The following SPATS2L variants were observed in gnomAD, a reference collection of about 807,000 sequenced individuals.
SPATS2L encodes the protein SPATS2-like protein.
In SPATS2L, 30 loss-of-function variants were observed where a neutral mutation model predicts 59.6. The ratio of observed to expected loss-of-function variants is 0.50; its 90% CI spans 0.38 to 0.68. The LOEUF (loss-of-function observed/expected upper bound fraction) is 0.68. Ranked by LOEUF, SPATS2L falls within the 30% of genes least tolerant of loss-of-function variation. The probability of loss-of-function intolerance (pLI) is 0.00; values close to 1 mark genes in which losing one functional copy is unlikely to be tolerated. For missense variants in SPATS2L, 615 were observed against 700.0 expected (o/e 0.88, Z 1.37); for synonymous variants, 252 against 263.5 (o/e 0.96, Z 0.42).
intron 3 of SPATS2L, among the ~76,000 whole-genome samples, chr2:200,395,506 T>A (rs891783922): frequency 3.3e-5 from 5 of 152,134 alleles, no homozygotes; most frequent in Non-Finnish European, 7.4e-5. Context: ...AGATTATTAG[T>A]TGAGCACCCT....
At chr2:200,348,885 G>GAAAAAA (rs796498029) in intron 2 of SPATS2L, among the ~76,000 whole-genome samples, 2 of 130,846 alleles carry the variant, frequency 1.5e-5, no homozygotes. Flanking sequence ...GTTTCATTAA[G>GAAAAAA]AAAAAAAAAA....
chr2:200,310,264 T>G (rs1431761375), intron 1 of SPATS2L, among the ~76,000 whole-genome samples: 2 of 152,248 alleles, frequency 1.3e-5, no homozygotes, highest in Admixed American at 1.3e-4. Context: ...TTGATCCGTT[T>G]AGCATTCTCT....
intron 2 of SPATS2L, among the ~76,000 whole-genome samples, chr2:200,380,566 T>G (rs1040743946): frequency 9.9e-5 from 15 of 152,256 alleles, no homozygotes; most frequent in African/African-American, 3.6e-4. Flanking sequence ...CAAATAAGTA[T>G]TGACTGTTAA....
chr2:200,446,705 A>G (rs1001876568), intron 8 of SPATS2L, among the ~76,000 whole-genome samples: 4 of 152,122 alleles, frequency 2.6e-5, no homozygotes, highest in African/African-American at 9.7e-5. Flanking sequence ...GGAAGGATGG[A>G]GACTCTTCCC....
At chr2:200,379,039 T>C (rs530141493) in intron 2 of SPATS2L, among the ~76,000 whole-genome samples, 1 of 152,346 alleles carries the variant, frequency 6.6e-6, no homozygotes, top group African/African-American at 2.4e-5. Flanking sequence ...AGTGTTGCTG[T>C]GCCCAAAACC....
intron 2 of SPATS2L, among the ~76,000 whole-genome samples, chr2:200,358,908 G>T (rs2081006514): frequency 6.6e-6 from 1 of 151,912 alleles, no homozygotes; most frequent in Non-Finnish European, 1.5e-5. Flanking sequence ...GATCCCTTGA[G>T]CCCAGGAGTT....
chr2:200,450,787 C>G (rs968232017), intron 8 of SPATS2L, among the ~76,000 whole-genome samples: 2 of 152,072 alleles, frequency 1.3e-5, no homozygotes, highest in South Asian at 2.1e-4. Context: ...CTAAAAAAGC[C>G]CATGCACTAG....
chr2:200,474,700 G>C (rs954419838), intron 12 of SPATS2L, among the ~76,000 whole-genome samples: 1 of 152,172 alleles, frequency 6.6e-6, no homozygotes, highest in Non-Finnish European at 1.5e-5. Flanking sequence ...AAGGAGGCCA[G>C]ATTAAGTACT....
chr2:200,316,385 A>G (rs558631048), intron 1 of SPATS2L, among the ~76,000 whole-genome samples: 24 of 152,344 alleles, frequency 1.6e-4, no homozygotes, highest in African/African-American at 5.8e-4. Flanking sequence ...TTCTTGTGCT[A>G]AAAACAGAAG....
intron 6 of SPATS2L, among the ~76,000 whole-genome samples, chr2:200,427,858 A>C (rs147889656): frequency 3.7e-4 from 56 of 152,272 alleles, no homozygotes; most frequent in African/African-American, 1.3e-3. Context: ...TATAATAATT[A>C]TGAGAGAATG....
At chr2:200,398,403 A>G (rs1176721057) in intron 3 of SPATS2L, among the ~76,000 whole-genome samples, 1 of 152,246 alleles carries the variant, frequency 6.6e-6, no homozygotes, top group Non-Finnish European at 1.5e-5. Flanking sequence ...TTCTAAAGTA[A>G]ATAGTAAATT....
At chr2:200,428,051 C>G (rs1559123003) in intron 6 of SPATS2L, among the ~76,000 whole-genome samples, 2 of 148,866 alleles carry the variant, frequency 1.3e-5, no homozygotes, top group Non-Finnish European at 1.5e-5. Context: ...GCCTGGGTGA[C>G]AGCGAGACCG....
At chr2:200,423,538 T>A (rs1193625771) in intron 6 of SPATS2L, among the ~76,000 whole-genome samples, 2 of 152,146 alleles carry the variant, frequency 1.3e-5, no homozygotes, top group African/African-American at 4.8e-5. Flanking sequence ...AAAGGCTGAC[T>A]CAAATCCATG....
chr2:200,382,610 C>T (rs1012810244), intron 2 of SPATS2L, among the ~76,000 whole-genome samples: 3 of 152,096 alleles, frequency 2.0e-5, no homozygotes, highest in African/African-American at 7.2e-5. Flanking sequence ...GCTGTTAGCC[C>T]AATGGCCGTG....
intron 3 of SPATS2L, among the ~76,000 whole-genome samples, chr2:200,392,203 T>C (rs2082192585): frequency 6.6e-6 from 1 of 152,082 alleles, no homozygotes; most frequent in African/African-American, 2.4e-5. Flanking sequence ...ACCAGGTGAT[T>C]AGAGGGTTGG....
chr2:200,338,137 A>G (rs892137836), intron 2 of SPATS2L, among the ~76,000 whole-genome samples: 4 of 152,062 alleles, frequency 2.6e-5, no homozygotes, highest in Non-Finnish European at 4.4e-5. Context: ...TGATCCTCCC[A>G]CCTCAGCCTC....
At chr2:200,356,702 G>T (rs914559721) in intron 2 of SPATS2L, among the ~76,000 whole-genome samples, 1 of 152,110 alleles carries the variant, frequency 6.6e-6, no homozygotes, top group African/African-American at 2.4e-5. Context: ...AACGCTTTAG[G>T]GATCATGGAT....
At chr2:200,355,552 T>C (rs2105855293) in intron 2 of SPATS2L, among the ~76,000 whole-genome samples, 1 of 152,350 alleles carries the variant, frequency 6.6e-6, no homozygotes, top group East Asian at 1.9e-4. Flanking sequence ...TACAAAAGGT[T>C]TCCACACACG....
chr2:200,416,614 C>G (rs1160633995), intron 5 of SPATS2L, among the ~76,000 whole-genome samples, 186 bp downstream of exon 5: 3 of 152,078 alleles, frequency 2.0e-5, no homozygotes, highest in Admixed American at 2.0e-4. Flanking sequence ...CTAGTAATGC[C>G]CTTATTTTCT....
Sources: allele counts gnomAD v4.1 joint callset (sites outside exome capture counted in the v4.1 genomes callset), GRCh38; gene constraint gnomAD v4.1.1; transcripts MANE v1.5; gene names NCBI Gene and HGNC (gene_info 2026-07-23, HGNC 2026-07-21).